Variants in ZNF875 observed in about 807,000 individuals in gnomAD.
The protein encoded by ZNF875 is HKR1, GLI-Kruppel zinc finger family member.
Under a neutral mutation model 11.2 loss-of-function variants are expected in ZNF875, and 14 were observed. The ratio of observed to expected loss-of-function variants is 1.26; its 90% confidence interval spans 0.83 to 1.96. The LOEUF (loss-of-function observed/expected upper bound fraction) is 1.96. ZNF875 is among the 30% of genes most tolerant of loss of function. The probability of loss-of-function intolerance (pLI) is 0.00; values close to 1 mark genes in which losing one functional copy is unlikely to be tolerated. For synonymous variants in ZNF875, 301 were observed against 281.1 expected (o/e 1.07, Z -0.71); for missense variants, 752 against 760.4 (o/e 0.99, Z 0.13).
intron 4 of ZNF875, among the ~76,000 whole-genome samples, chr19:37,354,725 G>A (rs2146486167): frequency 6.6e-6 from 1 of 152,282 alleles, no homozygotes; most frequent in East Asian, 1.9e-4. Flanking sequence ...TGGCATCTCT[G>A]CCCTCTCGAA....
At chr19:37,357,669 T>G (rs547809742) in intron 4 of ZNF875, among the ~76,000 whole-genome samples, 10 of 152,280 alleles carry the variant, frequency 6.6e-5, no homozygotes, top group African/African-American at 2.4e-4. Flanking sequence ...GAAATGCTAT[T>G]GATTTTTGTA....
Position 37,347,824 on chromosome 19 carries a change from G to A in ZNF875, c.208G>A (p.Glu70Lys). Residue 70 changes from glutamate to lysine, a missense_variant, in exon 4 of 5, where the codon GAA (glutamate) becomes AAA (lysine). By Grantham distance (56) the Glu-to-Lys change is moderately conservative. Coordinates refer to ENST00000392153, the MANE Select transcript of ZNF875 (RefSeq NM_001353803.2). The part of the protein sequence containing the change: ...PKLIAQLERG[E>K]APWREERKCP... ...ACTCATTGCTCAGCTGGAGCGAGGGGAAGCGCCCTGGAGAGAGGAGAGAAA... is the reference window on the plus strand; with the variant it reads ...ACTCATTGCTCAGCTGGAGCGAGGGAAAGCGCCCTGGAGAGAGGAGAGAAA... The A allele has an allele frequency of 6.2e-7, 1 of 1,613,710 alleles. No homozygotes were observed. The highest frequency in any genetic ancestry group is 8.5e-7 in the Non-Finnish European group (1 of 1,179,640).
At chr19:37,319,096 G>A (rs2030736315) in intron 1 of ZNF875, among the ~76,000 whole-genome samples, 2 of 150,570 alleles carry the variant, frequency 1.3e-5, no homozygotes, top group Non-Finnish European at 3.0e-5. Flanking sequence ...GCCCAGGCTG[G>A]AGTGCAATGG....
chr19:37,338,843 A>G lies in ZNF875; in HGVS notation c.33+3586A>G, dbSNP rs1200719814. On this transcript the variant is annotated intron_variant, in intron 2 of 4. Transcript: ENST00000392153. Reference sequence around the variant, plus strand: ...TTCAGGAGCGTTGGGTAGAATTTCCAGATACTCTTGATATGCATGGCATCT... The same window carrying G: ...TTCAGGAGCGTTGGGTAGAATTTCCGGATACTCTTGATATGCATGGCATCT... 3.9e-5 allele frequency among the ~76,000 whole-genome samples: 6 copies of G among 152,298 alleles called. No individual in the cohort carries two copies. The East Asian group carries it at 1.2e-3, about 29-fold the overall frequency.
chr19:37,332,957 G>C (rs7257672), upstream of ZNF875, among the ~76,000 whole-genome samples: 41,619 of 152,024 alleles, frequency 0.27, 7,149 homozygotes, highest in African/African-American at 0.48. Flanking sequence ...ACACAGCACT[G>C]AGTAACTATC....
At chr19:37,336,780 C>T (rs746076194) in intron 2 of ZNF875, among the ~76,000 whole-genome samples, 24 of 151,234 alleles carry the variant, frequency 1.6e-4, no homozygotes, top group Admixed American at 4.0e-4. Context: ...TGGTGGCAAG[C>T]GCCTGTAGTC....
At chr19:37,320,095 T>C (rs2031091243) in intron 1 of ZNF875, among the ~76,000 whole-genome samples, 1 of 152,044 alleles carries the variant, frequency 6.6e-6, no homozygotes, top group Non-Finnish European at 1.5e-5. Context: ...CACCGTGGTC[T>C]CGATCTCCTG....
chr19:37,335,953 C>T (rs73025472), intron 2 of ZNF875, among the ~76,000 whole-genome samples: 6,748 of 152,284 alleles, frequency 0.044, 213 homozygotes, highest in Non-Finnish European at 0.067. Context: ...CAGGAGTCTT[C>T]CCTCAGCATT....
chr19:37,319,422 G>T (rs754743518), intron 1 of ZNF875, among the ~76,000 whole-genome samples: 1 of 146,042 alleles, frequency 6.8e-6, no homozygotes, highest in Non-Finnish European at 1.5e-5. Context: ...TTAATTGGTG[G>T]ATCTCTGACT....
upstream of ZNF875, chr19:37,313,320 A>G (rs1191431522): frequency 6.6e-6 from 1 of 152,366 alleles, no homozygotes; most frequent in East Asian, 1.9e-4. Flanking sequence ...CAGGTAAAGG[A>G]ATCTGTGCAC....
chr19:37,364,026 C>A lies in ZNF875; in HGVS notation c.*251C>A. ...CTGTGGATGGTGGGTTGTGGAAACC[C>A]GGTCAGGTAATGATAGTGGCAGGAG... On this transcript the variant is annotated 3_prime_UTR_variant, in exon 5 of 5. Transcript: ENST00000392153. 2 of 478,504 alleles carry A rather than the reference C, an allele frequency of 4.2e-6. 1 individual carries two copies. The highest frequency in any genetic ancestry group is 7.5e-6 in the Non-Finnish European group (2 of 267,116). 29.6% of individuals were successfully genotyped at this position (478,504 alleles called of 1,614,324 possible).
At chr19:37,344,493 A>T (rs1201535102) in intron 2 of ZNF875, 9 of 552,158 alleles carry the variant, frequency 1.6e-5, no homozygotes, top group Middle Eastern at 4.9e-4. Flanking sequence ...CATCAGGAAA[A>T]GTGCTTAATT....
At chr19:37,334,599 A>G (rs2033887252), upstream of ZNF875, 1 of 435,442 alleles carries the variant, frequency 2.3e-6, no homozygotes, top group African/African-American at 2.0e-5. Context: ...CTCTGCGGTC[A>G]CTTCCGCTCC....
chr19:37,334,913 C>A (rs2033994532), intron 1 of ZNF875, 131 bp downstream of exon 1: 3 of 451,992 alleles, frequency 6.6e-6, no homozygotes, highest in Non-Finnish European at 1.3e-5. Flanking sequence ...ATTTTCCTTT[C>A]ATTCGAGCCC....
intron 2 of ZNF875, among the ~76,000 whole-genome samples, chr19:37,335,837 T>C (rs2921560): frequency 0.025 from 3,798 of 152,290 alleles, 84 homozygotes; most frequent in East Asian, 0.078. Context: ...TCCAGTGGAA[T>C]GCTGAGTTGG....
intron 4 of ZNF875, 86 bp downstream of exon 4, chr19:37,347,958 C>A: frequency 7.6e-6 from 6 of 794,502 alleles, no homozygotes; most frequent in Non-Finnish European, 1.3e-5. Context: ...TGGGAAGAAG[C>A]TCTTCTTCAG....
upstream of ZNF875, among the ~76,000 whole-genome samples, chr19:37,313,647 G>C (rs1279692287): frequency 6.6e-6 from 1 of 151,904 alleles, no homozygotes; most frequent in East Asian, 1.9e-4. Flanking sequence ...TCCCATCCCC[G>C]ATTCCAGGAT....
At chr19:37,353,117 G>A (rs1027587344) in intron 4 of ZNF875, among the ~76,000 whole-genome samples, 2 of 151,902 alleles carry the variant, frequency 1.3e-5, no homozygotes, top group Admixed American at 1.3e-4. Flanking sequence ...CAAGTGATCT[G>A]CCTGCCTCAG....
intron 2 of ZNF875, among the ~76,000 whole-genome samples, chr19:37,340,644 C>CTTTTTTTTTTTTTTTTTTTTTT (rs386388968): frequency 9.5e-6 from 1 of 104,716 alleles, no homozygotes; most frequent in Non-Finnish European, 1.8e-5. Context: ...CTTATGTGTA[C>CTTTTTTTTTTTTTTTTTTTTTT]TTTTTTTTTT....
Sources: gnomAD v4.1 joint callset for allele counts (sites outside exome capture counted in the v4.1 genomes callset) on GRCh38, gnomAD v4.1.1 for gene constraint, MANE v1.5 for transcripts, NCBI Gene and HGNC (gene_info 2026-07-23, HGNC 2026-07-21) for gene names.